ARHGAP21: variants seen among roughly 807,000 people sequenced by gnomAD.
ARHGAP21 encodes the protein Rho GTPase activating protein 21.
In ARHGAP21, 38 loss-of-function variants were observed where a neutral mutation model predicts 164.6. The observed-to-expected ratio is 0.23, with a 90% CI of 0.18 to 0.30. ARHGAP21 has a LOEUF of 0.30. ARHGAP21 is among the 10% of genes least tolerant of loss of function. The pLI is 1.00. For synonymous variants in ARHGAP21, 766 were observed against 857.9 expected (o/e 0.89, Z 1.87); for missense variants, 1,822 against 2,370.7 (o/e 0.77, Z 4.81).
chr10:24,654,219 A>G (rs1490837085), intron 4 of ARHGAP21, among the ~76,000 whole-genome samples: 7 of 152,302 alleles, frequency 4.6e-5, no homozygotes, highest in East Asian at 1.9e-4. Context: ...ACTGGCACAC[A>G]ACAGGGATGC....
intron 2 of ARHGAP21, among the ~76,000 whole-genome samples, chr10:24,681,676 T>C (rs1281150016): frequency 2.0e-5 from 3 of 152,116 alleles, no homozygotes; most frequent in Non-Finnish European, 4.4e-5. Flanking sequence ...ATATTAATAA[T>C]ACCACTTACT....
chr10:24,686,201 C>T (rs1037539275), intron 2 of ARHGAP21, among the ~76,000 whole-genome samples: 1 of 152,048 alleles, frequency 6.6e-6, no homozygotes, highest in Non-Finnish European at 1.5e-5. Context: ...GAAGCCGAGG[C>T]AAGAGGACTG....
intron 2 of ARHGAP21, among the ~76,000 whole-genome samples, chr10:24,701,772 C>T (rs1271629439): frequency 1.3e-5 from 2 of 152,038 alleles, no homozygotes; most frequent in Non-Finnish European, 1.5e-5. Context: ...GGTAGAATAC[C>T]ATGTTCATGT....
At chr10:24,628,982 ATTTTTTTTTTTTTT>A (rs1166249007) in intron 7 of ARHGAP21, 1 of 11,628 alleles carries the variant, frequency 8.6e-5, no homozygotes, top group Non-Finnish European at 1.2e-4. Context: ...ATATATATAT[ATTTTTTTTTTTTTT>A]TTTTTTTTTT....
intron 12 of ARHGAP21, among the ~76,000 whole-genome samples, chr10:24,603,731 C>CT (rs1213662818): frequency 6.6e-6 from 1 of 152,142 alleles, no homozygotes; most frequent in African/African-American, 2.4e-5. Context: ...GGGATGGTGG[C>CT]TCACACCTGT....
In ARHGAP21 at chr10:24,619,261, G is replaced by GTT. The variant is rs11389803; in HGVS notation, c.2422+210_2422+211dup. Among the ~76,000 whole-genome samples the GTT allele has an allele frequency of 3.6e-3, 541 of 148,838 alleles. 3 individuals are homozygous for GTT. The highest frequency in any genetic ancestry group is 0.012 in the African/African-American group (469 of 40,140). ...TGGGTACTAGGTACATGAAGTTTTTGTTTTTTTTTTAAAAAAAGGAAAATT... is the reference window on the plus strand; with the variant it reads ...TGGGTACTAGGTACATGAAGTTTTTGTTTTTTTTTTTTAAAAAAAGGAAAATT... On this transcript the variant is annotated intron_variant, in intron 9 of 25. Transcript: ENST00000396432.
intron 2 of ARHGAP21, among the ~76,000 whole-genome samples, chr10:24,685,804 A>G (rs2131943206): frequency 6.6e-6 from 1 of 152,300 alleles, no homozygotes; most frequent in Middle Eastern, 3.4e-3. Flanking sequence ...TGAACCTGGG[A>G]AGTGGAGGTT....
intron 15 of ARHGAP21, 77 bp from the exon 16 acceptor site, chr10:24,597,660 C>T: frequency 6.4e-7 from 1 of 1,559,352 alleles, no homozygotes; most frequent in South Asian, 1.2e-5. Flanking sequence ...CGTGGTGAGC[C>T]ATGGTCTGAA....
At chr10:24,622,494 A>G (rs1420637613) in intron 8 of ARHGAP21, among the ~76,000 whole-genome samples, 1 of 139,204 alleles carries the variant, frequency 7.2e-6, no homozygotes, top group African/African-American at 2.6e-5. Context: ...ATACTGATGC[A>G]GATAAATATT....
At chr10:24,628,982 A>ATATATATATTTATTTTTT (rs1565054862) in intron 7 of ARHGAP21, 1 of 11,632 alleles carries the variant, frequency 8.6e-5, no homozygotes, top group Non-Finnish European at 1.2e-4. Flanking sequence ...ATATATATAT[A>ATATATATATTTATTTTTT]TTTTTTTTTT....
At chr10:24,608,032 A>ATAGGTCATTTAGTG in intron 9 of ARHGAP21, 129 bp from the exon 10 acceptor site, 2 of 757,286 alleles carry the variant, frequency 2.6e-6, no homozygotes, top group Non-Finnish European at 4.0e-6. Context: ...CACATCACTA[A>ATAGGTCATTTAGTG]ATGACCTATT....
chr10:24,628,872 T>C (rs1290322396), intron 7 of ARHGAP21: 4 of 108,702 alleles, frequency 3.7e-5, no homozygotes, highest in Non-Finnish European at 5.6e-5. Flanking sequence ...CATATATACA[T>C]ACATATATAC....
At chr10:24,606,700 C>T (rs926073132) in intron 11 of ARHGAP21, among the ~76,000 whole-genome samples, 3 of 152,026 alleles carry the variant, frequency 2.0e-5, no homozygotes, top group Non-Finnish European at 4.4e-5. Flanking sequence ...AAGATACAAA[C>T]TTAGGTGGCA....
chr10:24,593,543 T>TA (rs1454515143), intron 21 of ARHGAP21, among the ~76,000 whole-genome samples: 1 of 151,938 alleles, frequency 6.6e-6, no homozygotes, highest in African/African-American at 2.4e-5. Flanking sequence ...ATAAAACTGG[T>TA]AAAATAGTCT....
intron 7 of ARHGAP21, among the ~76,000 whole-genome samples, chr10:24,623,072 C>T (rs565090731): frequency 1.8e-4 from 27 of 152,150 alleles, no homozygotes; most frequent in Non-Finnish European, 3.5e-4. Context: ...TAACATGCTA[C>T]AAAGCTTCCC....
At chr10:24,686,006 A>T (rs1262870071) in intron 2 of ARHGAP21, among the ~76,000 whole-genome samples, 5 of 152,238 alleles carry the variant, frequency 3.3e-5, no homozygotes, top group Admixed American at 6.5e-5. Context: ...ATCTTCCTAT[A>T]AACCTACTTG....
chr10:24,673,091 C>T (rs1840870055), intron 2 of ARHGAP21, among the ~76,000 whole-genome samples: 2 of 152,080 alleles, frequency 1.3e-5, no homozygotes, highest in Admixed American at 6.5e-5. Flanking sequence ...ATTTAGAAGA[C>T]GCAGTACTGT....
intron 4 of ARHGAP21, among the ~76,000 whole-genome samples, chr10:24,657,617 A>T (rs1053020035): frequency 7.8e-6 from 1 of 128,922 alleles, no homozygotes; most frequent in Non-Finnish European, 1.6e-5. Flanking sequence ...AAGGCGGGAA[A>T]GGTGGGGAAA....
chr10:24,604,277 TA>T, intron 12 of ARHGAP21, 34 bp downstream of exon 12: 1 of 1,466,240 alleles, frequency 6.8e-7, no homozygotes, highest in Non-Finnish European at 9.2e-7. Context: ...TATGAAGAGA[TA>T]AACTAAGGTA....
Sources: allele counts gnomAD v4.1 joint callset (sites outside exome capture counted in the v4.1 genomes callset), GRCh38; gene constraint gnomAD v4.1.1; transcripts MANE v1.5; gene names NCBI Gene and HGNC (gene_info 2026-07-23, HGNC 2026-07-21).